RALGAPA1: variants seen among roughly 807,000 people sequenced by gnomAD.
The protein encoded by RALGAPA1 is Ral GTPase activating protein catalytic subunit alpha 1, also known as ral GTPase-activating protein subunit alpha-1.
Under a neutral mutation model 269.6 loss-of-function variants are expected in RALGAPA1, and 52 were observed. The ratio of observed to expected loss-of-function variants is 0.19; its 90% CI spans 0.15 to 0.24. RALGAPA1 has a LOEUF of 0.24. RALGAPA1 is among the 10% of genes least tolerant of loss of function. The pLI is 1.00. For missense variants in RALGAPA1, 1,917 were observed against 3,013.9 expected (o/e 0.64, Z 8.52); for synonymous variants, 817 against 1,008.3 (o/e 0.81, Z 3.60).
chr14:35,588,054 G>A (rs1269592125), intron 37 of RALGAPA1, among the ~76,000 whole-genome samples: 3 of 152,014 alleles, frequency 2.0e-5, no homozygotes, highest in Non-Finnish European at 4.4e-5. Context: ...CTACAGGCAC[G>A]TGCCACCACG....
At chr14:35,637,477 A>G (rs750021039) in intron 31 of RALGAPA1, among the ~76,000 whole-genome samples, 5 of 152,222 alleles carry the variant, frequency 3.3e-5, no homozygotes, top group Admixed American at 6.5e-5. Flanking sequence ...TAATGCAGAA[A>G]AAAGAATTGG....
intron 18 of RALGAPA1, 92 bp downstream of exon 18, chr14:35,688,367 G>A: frequency 6.9e-7 from 1 of 1,439,238 alleles, no homozygotes; most frequent in Non-Finnish European, 9.4e-7. Flanking sequence ...CCATCCCAAA[G>A]CTTTTTGATT....
chr14:35,599,627 A>T (rs1336732326), intron 36 of RALGAPA1, among the ~76,000 whole-genome samples: 1 of 152,098 alleles, frequency 6.6e-6, no homozygotes, highest in Non-Finnish European at 1.5e-5. Context: ...GCATGACTGT[A>T]ATCCCAGCTT....
At position 35,627,401 on chromosome 14, in the gene RALGAPA1, A is replaced by T. The variant is rs553742602; in HGVS notation, c.6546T>A (p.Asp2182Glu). The change falls in exon 34 of 42, where the codon GAT becomes GAA. Residue 2182 changes from aspartate to glutamate, a missense_variant. Physicochemically the swap from Asp to Glu is conservative, Grantham distance 45. This residue lies in a region of RALGAPA1 where 132 missense variants were observed against 271.2 expected (regional missense o/e 0.49). Transcript: ENST00000680220. Reference protein sequence around the residue: ...ETVPTWDTIRDEEDVLDELLQ... With the variant: ...ETVPTWDTIREEEDVLDELLQ... ...AGAGCTCATCAAGAACATCTTCTTCATCTCTTATTGTATCCCAAGTTGGTA... is the reference window on the plus strand; with the variant it reads ...AGAGCTCATCAAGAACATCTTCTTCTTCTCTTATTGTATCCCAAGTTGGTA... 8.7e-6 allele frequency: 14 copies of T among 1,614,160 alleles called. No homozygotes were observed. Among genetic ancestry groups the T allele is most frequent in the African/African-American group, 1.3e-5 (1 of 75,064 alleles).
Position 35,748,575 on chromosome 14 carries a change from G to A in RALGAPA1, c.1251+10C>T, listed in dbSNP as rs2072359071. ...TCCTTATAAATTAAAAATACTGAGAGGTATGTTACCTGACGAAATATCTCT... is the reference window on the plus strand; with the variant it reads ...TCCTTATAAATTAAAAATACTGAGAAGTATGTTACCTGACGAAATATCTCT... On this transcript the variant is annotated intron_variant, in intron 10 of 41. Transcript: ENST00000680220. The A allele has an allele frequency of 1.9e-6, 3 of 1,592,504 alleles. No individual in the cohort carries two copies. Among genetic ancestry groups the A allele is most frequent in the Non-Finnish European group, 2.6e-6 (3 of 1,170,500 alleles).
intron 35 of RALGAPA1, among the ~76,000 whole-genome samples, chr14:35,618,451 C>T (rs1313790542): frequency 6.6e-6 from 1 of 152,042 alleles, no homozygotes; most frequent in East Asian, 1.9e-4. Flanking sequence ...TCCTAGAAAA[C>T]AGGGTACTTT....
chr14:35,699,314 G>A (rs567392550), intron 17 of RALGAPA1, among the ~76,000 whole-genome samples: 3 of 152,236 alleles, frequency 2.0e-5, no homozygotes, highest in Non-Finnish European at 4.4e-5. Context: ...GTGGAGGGGA[G>A]GAGTGTGTGG....
intron 39 of RALGAPA1, among the ~76,000 whole-genome samples, chr14:35,549,540 C>T (rs1370019015): frequency 6.6e-6 from 1 of 152,056 alleles, no homozygotes; most frequent in Non-Finnish European, 1.5e-5. Flanking sequence ...AGAAAGGATT[C>T]AATTTCTATC....
At chr14:35,707,624 CTCA>C (rs1457391990) in intron 16 of RALGAPA1, 7 of 152,146 alleles carry the variant, frequency 4.6e-5, no homozygotes, top group African/African-American at 1.2e-4. Flanking sequence ...TGCAGTAGTC[CTCA>C]AAAGAATTAG....
intron 16 of RALGAPA1, among the ~76,000 whole-genome samples, chr14:35,707,745 A>C (rs1166611406): frequency 6.6e-6 from 1 of 152,168 alleles, no homozygotes; most frequent in African/African-American, 2.4e-5. Flanking sequence ...CTAATTTGGA[A>C]GGTTGTTAGT....
chr14:35,735,698 C>A (rs1458538050), intron 12 of RALGAPA1, among the ~76,000 whole-genome samples: 2 of 151,150 alleles, frequency 1.3e-5, no homozygotes, highest in Non-Finnish European at 2.9e-5. Context: ...ACCCCAATAA[C>A]CCATGGAATA....
At chr14:35,674,733 C>A in intron 22 of RALGAPA1, 24 bp from the exon 23 acceptor site, 1 of 1,322,648 alleles carries the variant, frequency 7.6e-7, no homozygotes, top group South Asian at 1.4e-5. Context: ...TATATAGTGT[C>A]AGCCATTTTT....
chr14:35,566,833 TC>T (rs1050820015), intron 39 of RALGAPA1, among the ~76,000 whole-genome samples: 1 of 149,370 alleles, frequency 6.7e-6, no homozygotes, highest in Admixed American at 6.7e-5. Flanking sequence ...TGAAGTCATT[TC>T]CCCCCAACAT....
At chr14:35,754,951 A>G (rs902967192) in intron 7 of RALGAPA1, among the ~76,000 whole-genome samples, 4 of 152,220 alleles carry the variant, frequency 2.6e-5, no homozygotes, top group African/African-American at 9.6e-5. Context: ...CTATGATTAT[A>G]TTTACATAAA....
chr14:35,805,366 C>T (rs973329006), intron 1 of RALGAPA1, among the ~76,000 whole-genome samples: 2 of 150,472 alleles, frequency 1.3e-5, no homozygotes, highest in African/African-American at 4.9e-5. Flanking sequence ...TGCTTGAACC[C>T]GGGAGGCGGA....
chr14:35,708,184 C>T (rs1486672022), intron 16 of RALGAPA1, among the ~76,000 whole-genome samples: 1 of 152,022 alleles, frequency 6.6e-6, no homozygotes, highest in Non-Finnish European at 1.5e-5. Flanking sequence ...GGAAACTCTC[C>T]AGGACAATGA....
At chr14:35,762,337 C>A (rs1013720542) in intron 5 of RALGAPA1, among the ~76,000 whole-genome samples, 1 of 152,088 alleles carries the variant, frequency 6.6e-6, no homozygotes, top group Non-Finnish European at 1.5e-5. Context: ...CTCACTGCAA[C>A]CTCTGCCTCC....
At position 35,721,960 on chromosome 14, in the gene RALGAPA1, A is replaced by T. The variant is rs974168701; in HGVS notation, c.2105-111T>A. On this transcript the variant is annotated intron_variant, in intron 15 of 41. Transcript: ENST00000680220. Reference sequence around the variant, plus strand: ...TTAGGTTTGCTCACATAAATTATAAAGTAATAAGACAAAACGCTGTGTACT... The same window carrying T: ...TTAGGTTTGCTCACATAAATTATAATGTAATAAGACAAAACGCTGTGTACT... 4 of 863,834 alleles carry T rather than the reference A, an allele frequency of 4.6e-6. No homozygotes were observed. The African/African-American group carries it at 7.0e-5, about 15-fold the overall frequency. The allele number at this position is 863,834 out of a possible 1,614,324, so 53.5% of individuals were successfully genotyped here.
chr14:35,566,711 A>T (rs2056738861), intron 39 of RALGAPA1, among the ~76,000 whole-genome samples: 1 of 151,810 alleles, frequency 6.6e-6, no homozygotes, highest in Non-Finnish European at 1.5e-5. Context: ...TGAAATAAGT[A>T]TTTATTTAAA....
Sources: allele counts gnomAD v4.1 joint callset (sites outside exome capture counted in the v4.1 genomes callset), GRCh38; gene constraint gnomAD v4.1.1; regional missense constraint gnomAD v4.1.1; transcripts MANE v1.5; gene names NCBI Gene and HGNC (gene_info 2026-07-23, HGNC 2026-07-21).